Variants in PLCG2 observed in about 807,000 individuals in gnomAD.
PLCG2 encodes the protein 1-phosphatidylinositol 4,5-bisphosphate phosphodiesterase gamma-2.
PLCG2 carries 69 observed loss-of-function variants against 175.6 expected under a neutral mutation model. The ratio of observed to expected loss-of-function variants is 0.39; its 90% confidence interval spans 0.32 to 0.48. The LOEUF (loss-of-function observed/expected upper bound fraction) is 0.48, where lower values mean the gene tolerates loss of function less well. PLCG2 is among the 20% of genes least tolerant of loss of function. The probability of loss-of-function intolerance (pLI) is 0.91; values close to 1 mark genes in which losing one functional copy is unlikely to be tolerated. For synonymous variants in PLCG2, 827 were observed against 624.0 expected (o/e 1.33, Z -4.85); for missense variants, 1,798 against 1,650.9 (o/e 1.09, Z -1.54).
intron 31 of PLCG2, among the ~76,000 whole-genome samples, chr16:81,951,018 T>C (rs546671304): frequency 2.8e-4 from 42 of 151,994 alleles, no homozygotes; most frequent in South Asian, 6.2e-4. Flanking sequence ...GACAGTGTTT[T>C]TTTCTGTCAC....
At chr16:81,887,553 G>C (rs914777524) in intron 9 of PLCG2, among the ~76,000 whole-genome samples, 1 of 152,174 alleles carries the variant, frequency 6.6e-6, no homozygotes, top group African/African-American at 2.4e-5. Context: ...AGGCATATTT[G>C]CAAGAGTCAA....
rs761876435 is a variant in PLCG2 at position 81,921,207 on chromosome 16, A to G, written c.2245A>G (p.Ile749Val). 11 of 1,590,524 alleles carry G rather than the reference A, an allele frequency of 6.9e-6. No individual in the cohort carries two copies. In the African/African-American group the frequency reaches 1.1e-4, roughly 16 times the overall value. ...LLERYNMERD[I>V]NSLYDVSRMY... is the part of the protein sequence containing the mutation. ...TTCTTTTTTTTTCCAGGAAAGAGAT[A>G]TAAACTCCCTCTACGACGTCAGCAG... Residue 749 changes from isoleucine (I) to valine (V), a missense_variant, in exon 21 of 33, where the codon ATA (isoleucine) becomes GTA (valine). Physicochemically the swap from Ile to Val is conservative, Grantham distance 29. Coordinates refer to ENST00000564138, the MANE Select transcript of PLCG2 (RefSeq NM_002661.5).
chr16:81,793,687 G>T (rs1451586981), intron 2 of PLCG2, among the ~76,000 whole-genome samples: 1 of 152,184 alleles, frequency 6.6e-6, no homozygotes, highest in East Asian at 1.9e-4. Context: ...TGATAATAGT[G>T]ATACCGTTGA....
rs140161455 is a variant in PLCG2, at chr16:81,746,951, G to C, written c.-145+7566G>C. Among the ~76,000 whole-genome samples the C allele has an allele frequency of 7.8e-3, 1,193 of 152,146 alleles. 15 individuals carry two copies. The highest frequency in any genetic ancestry group is 0.028 in the African/African-American group (1,145 of 41,480). On this transcript the variant is annotated intron_variant, in intron 1 of 5. Coordinates refer to the PLCG2 transcript ENST00000565054. Reference sequence around the variant, plus strand: ...CATTAAATTCCAGCCAAAATTCATAGGCAAAAACTTAAGGAAATCTTGTCA... The same window carrying C: ...CATTAAATTCCAGCCAAAATTCATACGCAAAAACTTAAGGAAATCTTGTCA...
chr16:81,778,539 A>C (rs1457458724), upstream of PLCG2, among the ~76,000 whole-genome samples: 1 of 152,232 alleles, frequency 6.6e-6, no homozygotes, highest in Non-Finnish European at 1.5e-5. Context: ...CGGAAAAATA[A>C]ATTTCTTAAA....
At position 81,760,755 on chromosome 16, in the gene PLCG2, A is replaced by AAAAAT. The variant is rs1555562058; in HGVS notation, c.-48+4792_-48+4796dup. On this transcript the variant is annotated intron_variant, in intron 2 of 5. Coordinates refer to the PLCG2 transcript ENST00000565054. ...GTGAGACCCCGTCTCTATTAAAAAA[A>AAAAAT]AAAATAATAATAATAATAATAATAA... Among the ~76,000 whole-genome samples, 239 of 82,714 alleles carry AAAAAT rather than the reference A, an allele frequency of 2.9e-3. 3 individuals are homozygous for AAAAAT. The highest frequency in any genetic ancestry group is 8.1e-3 in the African/African-American group (224 of 27,704). 54.3% of individuals were successfully genotyped at this position (82,714 alleles called of 152,430 possible).
At chr16:81,911,313 G>T (rs1283269700) in intron 18 of PLCG2, among the ~76,000 whole-genome samples, 1 of 151,870 alleles carries the variant, frequency 6.6e-6, no homozygotes, top group Non-Finnish European at 1.5e-5. Context: ...GAAATAACCC[G>T]AAAACAACCC....
In PLCG2 at chr16:81,746,222, C is replaced by T. The variant is rs1224030350; in HGVS notation, c.-145+6837C>T. Among the ~76,000 whole-genome samples, 4 of 152,326 alleles carry T rather than the reference C, an allele frequency of 2.6e-5. No individual in the cohort carries two copies. The East Asian group carries it at 7.7e-4, about 29-fold the overall frequency. ...AAAGGGAGGTAGAAACGCTTTCAGC[C>T]CTCCCCGGTGCTTCCCGGTTTATAA... is the stretch of plus-strand genomic sequence containing the variant. On this transcript the variant is annotated intron_variant, in intron 1 of 5. Transcript: ENST00000565054.
At chr16:81,944,405 G>GTAATC (rs1911070268) in intron 30 of PLCG2, among the ~76,000 whole-genome samples, 1 of 152,132 alleles carries the variant, frequency 6.6e-6, no homozygotes, top group African/African-American at 2.4e-5. Context: ...GGGTATTAAA[G>GTAATC]TAATCTAATT....
chr16:81,845,434 C>G (rs1415183490), intron 2 of PLCG2, among the ~76,000 whole-genome samples: 1 of 152,202 alleles, frequency 6.6e-6, no homozygotes, highest in Admixed American at 6.5e-5. Context: ...GTATCACTAT[C>G]ACTCCTGTTG....
chr16:81,799,279 C>T (rs893862819), intron 2 of PLCG2, among the ~76,000 whole-genome samples: 1 of 152,106 alleles, frequency 6.6e-6, no homozygotes, highest in African/African-American at 2.4e-5. Context: ...GTACCACCTT[C>T]CAAATCTTTT....
At chr16:81,923,286 G>T (rs930239029) in intron 21 of PLCG2, 199 bp from the exon 22 acceptor site, 2 of 547,782 alleles carry the variant, frequency 3.7e-6, no homozygotes, top group East Asian at 6.0e-5. Context: ...GACTAGGCCA[G>T]TTCTCCTTCA....
chr16:81,760,753 A>AAAAAAT (rs1178760503), intron 2 of PLCG2, among the ~76,000 whole-genome samples: 1 of 90,620 alleles, frequency 1.1e-5, no homozygotes, highest in African/African-American at 3.2e-5. Flanking sequence ...TCTATTAAAA[A>AAAAAAT]AAAAAATAAT....
Position 81,883,231 on chromosome 16 carries a change from T to C in PLCG2, c.693-38T>C, listed in dbSNP as rs745616147. ...CTCCTCTCGACTCCTCTGTTGAATG[T>C]GTCTGTCTCTAACTGCACCCCCTTT... is the stretch of plus-strand genomic sequence containing the variant. On this transcript the variant is annotated intron_variant, in intron 8 of 32. Transcript: ENST00000564138. 3.8e-6 allele frequency: 6 copies of C among 1,585,342 alleles called. No homozygotes were observed. In the African/African-American group the frequency reaches 6.7e-5, roughly 18 times the overall value.
intron 19 of PLCG2, among the ~76,000 whole-genome samples, chr16:81,918,909 T>TA (rs1181641516): frequency 4.6e-5 from 7 of 150,764 alleles, no homozygotes; most frequent in Non-Finnish European, 8.8e-5. Flanking sequence ...TTTTTTTTTT[T>TA]AAAAAAAGTC....
In PLCG2 at chr16:81,904,594, C is replaced by A. The variant is rs116284182; in HGVS notation, c.1363-809C>A. 1.2e-3 allele frequency among the ~76,000 whole-genome samples: 178 copies of A among 152,320 alleles called. 1 individual carries two copies. The highest frequency in any genetic ancestry group is 4.2e-3 in the African/African-American group (175 of 41,574). ...CCCCCGCCACCCTGCCCAGCCTGTT[C>A]CCTCTGGACTGCGGCCTGCCTTTCC... On this transcript the variant is annotated intron_variant, in intron 14 of 32. Transcript: ENST00000564138.
At chr16:81,861,165 C>A (rs1220461124) in intron 5 of PLCG2, among the ~76,000 whole-genome samples, 1 of 152,124 alleles carries the variant, frequency 6.6e-6, no homozygotes, top group East Asian at 1.9e-4. Flanking sequence ...ACGTGAGGCA[C>A]CTTATTTTTT....
chr16:81,929,927 C>T (rs1910432259), intron 24 of PLCG2, among the ~76,000 whole-genome samples: 1 of 152,222 alleles, frequency 6.6e-6, no homozygotes, highest in Non-Finnish European at 1.5e-5. Context: ...AGGCACATGG[C>T]TCATTGGTTC....
chr16:81,871,373 C>G (rs1292976114), intron 7 of PLCG2, among the ~76,000 whole-genome samples: 3 of 152,318 alleles, frequency 2.0e-5, no homozygotes, highest in East Asian at 1.9e-4. Context: ...GAGTCTCACT[C>G]TGTTGCCCAG....
Sources: gnomAD v4.1 joint callset for allele counts (sites outside exome capture counted in the v4.1 genomes callset) on GRCh38, gnomAD v4.1.1 for gene constraint, MANE v1.5 for transcripts, NCBI Gene and HGNC (gene_info 2026-07-23, HGNC 2026-07-21) for gene names.